Variants in LRRTM3 observed in about 807,000 individuals in gnomAD.
LRRTM3 encodes leucine rich repeat transmembrane neuronal 3.
In LRRTM3, 24 loss-of-function variants were observed where a neutral mutation model predicts 44.7. The ratio of observed to expected loss-of-function variants is 0.54; its 90% CI spans 0.39 to 0.76. LRRTM3 has a LOEUF of 0.76. Ranked by LOEUF, LRRTM3 falls within the 30% of genes least tolerant of loss-of-function variation. The pLI is 0.00. For synonymous variants in LRRTM3, 277 were observed against 278.7 expected (o/e 0.99, Z 0.06); for missense variants, 587 against 702.2 (o/e 0.84, Z 1.85).
At chr10:67,066,325 T>C (rs928178797) in intron 2 of LRRTM3, among the ~76,000 whole-genome samples, 4 of 151,114 alleles carry the variant, frequency 2.6e-5, no homozygotes, top group South Asian at 4.2e-4. Context: ...CCCAAGTAAC[T>C]GGGACTACAG....
intron 2 of LRRTM3, among the ~76,000 whole-genome samples, chr10:67,037,717 T>A (rs1186392339): frequency 1.3e-5 from 2 of 152,130 alleles, no homozygotes; most frequent in African/African-American, 4.8e-5. Context: ...TATGACTAAA[T>A]AGGTGTAGGT....
At chr10:66,977,352 C>T (rs10997463) in intron 2 of LRRTM3, among the ~76,000 whole-genome samples, 34,559 of 151,678 alleles carry the variant, frequency 0.23, 4,457 homozygotes, top group Middle Eastern at 0.3. Flanking sequence ...AGGAGGATTG[C>T]TTGAACCTGG....
At chr10:67,081,827 C>T (rs1857074629) in intron 2 of LRRTM3, among the ~76,000 whole-genome samples, 1 of 152,164 alleles carries the variant, frequency 6.6e-6, no homozygotes, top group Non-Finnish European at 1.5e-5. Context: ...TTTCCTGATC[C>T]TAGCCCAGCA....
chr10:66,990,828 AG>A (rs1850999972), intron 2 of LRRTM3, among the ~76,000 whole-genome samples: 1 of 152,206 alleles, frequency 6.6e-6, no homozygotes, highest in Admixed American at 6.5e-5. Context: ...ATCCTATTCA[AG>A]GAAGTAAAAT....
intron 2 of LRRTM3, among the ~76,000 whole-genome samples, chr10:67,018,935 T>C (rs1168838933): frequency 6.6e-6 from 1 of 152,204 alleles, no homozygotes; most frequent in Non-Finnish European, 1.5e-5. Context: ...AGGGAAACTA[T>C]TAAGACAAAC....
chr10:66,976,224 G>T (rs1850021747), intron 2 of LRRTM3, among the ~76,000 whole-genome samples: 1 of 152,184 alleles, frequency 6.6e-6, no homozygotes, highest in Non-Finnish European at 1.5e-5. Context: ...TAGTGCAGGT[G>T]AGAAACAGTG....
intron 2 of LRRTM3, among the ~76,000 whole-genome samples, chr10:66,975,988 G>A (rs572133258): frequency 6.6e-6 from 1 of 152,140 alleles, no homozygotes; most frequent in Non-Finnish European, 1.5e-5. Context: ...TTAAAAACCA[G>A]AGTTGATTCT....
intron 2 of LRRTM3, among the ~76,000 whole-genome samples, chr10:66,953,446 G>A (rs1692445602): frequency 6.6e-6 from 1 of 152,196 alleles, no homozygotes; most frequent in African/African-American, 2.4e-5. Flanking sequence ...TGATCAAATG[G>A]TGATGATTAC....
chr10:66,985,412 G>A (rs1489895220), intron 2 of LRRTM3, among the ~76,000 whole-genome samples: 3 of 152,146 alleles, frequency 2.0e-5, no homozygotes, highest in African/African-American at 7.2e-5. Flanking sequence ...GTGCCCAACA[G>A]GAACCTGGCC....
In LRRTM3 at chr10:66,928,136, A is replaced by T. The variant is rs199499859; in HGVS notation, c.1220A>T (p.Glu407Val). The change falls in exon 2 of 3, where the codon GAG becomes GTG. Residue 407 changes from glutamate to valine, a missense_variant. Physicochemically the swap from Glu to Val is moderately radical, Grantham distance 121 (BLOSUM62 -2). This residue lies in a region of LRRTM3 where 315 missense variants were observed against 335.6 expected (regional missense o/e 0.94). Transcript: ENST00000361320. The part of the protein sequence containing the change: ...PTVGATEPGP[E>V]TDADAEHISF... ...GTGGGAGCCACAGAGCCCGGCCCAG[A>T]GACCGATGCTGACGCCGAGCACATC... 1.5e-5 allele frequency: 25 copies of T among 1,613,970 alleles called. No individual in the cohort carries two copies. The highest frequency in any genetic ancestry group is 2.0e-5 in the Non-Finnish European group (24 of 1,180,044).
rs74233472 is a variant in LRRTM3, at chr10:67,039,510, T to C, written c.1537-58077T>C. Among the ~76,000 whole-genome samples the C allele has an allele frequency of 0.01, 1,561 of 152,258 alleles. 62 individuals are homozygous for C. In the East Asian group the frequency reaches 0.14, roughly 14 times the overall value. On this transcript the variant is annotated intron_variant, in intron 2 of 2. Transcript: ENST00000361320. ...TTTTTAAATTATGCCTCTATTTACC[T>C]ATGGGTGATGCATAATAATTTATTA...
intron 2 of LRRTM3, among the ~76,000 whole-genome samples, chr10:66,978,645 GA>G (rs1179297020): frequency 2.8e-5 from 4 of 144,098 alleles, no homozygotes; most frequent in Non-Finnish European, 6.0e-5. Flanking sequence ...TAAAAAGAGA[GA>G]AAAAAACAGA....
rs180844374 is a variant in LRRTM3 at position 66,996,043 on chromosome 10, C to T, written c.1536+67591C>T. Among the ~76,000 whole-genome samples the T allele has an allele frequency of 2.0e-5, 3 of 152,048 alleles. No individual in the cohort carries two copies. The East Asian group carries it at 5.8e-4, about 29-fold the overall frequency. On this transcript the variant is annotated intron_variant, in intron 2 of 2. Coordinates refer to ENST00000361320, the MANE Select transcript of LRRTM3 (RefSeq NM_178011.5). ...ATTATTTTAGTACGCTTTATTTTAC[C>T]TACTTATTTACATATTTTGTAATAT...
chr10:67,003,834 T>C (rs1455679544), intron 2 of LRRTM3, among the ~76,000 whole-genome samples: 1 of 152,050 alleles, frequency 6.6e-6, no homozygotes, highest in African/African-American at 2.4e-5. Context: ...TAGCAGAGGG[T>C]GGTTGATTTT....
chr10:66,926,777 T>C (rs1271074569), intron 1 of LRRTM3, 144 bp from the exon 2 acceptor site: 2 of 976,970 alleles, frequency 2.0e-6, no homozygotes, highest in African/African-American at 3.3e-5. Flanking sequence ...GACAATTCTC[T>C]TTAATTACAA....
intron 2 of LRRTM3, among the ~76,000 whole-genome samples, chr10:66,975,420 T>C (rs550496436): frequency 6.6e-6 from 1 of 152,218 alleles, no homozygotes; most frequent in Admixed American, 6.5e-5. Context: ...CCTGTTCAGA[T>C]TGGCTTCTGA....
chr10:67,078,830 T>A (rs1308321741), intron 2 of LRRTM3, among the ~76,000 whole-genome samples: 1 of 152,134 alleles, frequency 6.6e-6, no homozygotes, highest in East Asian at 1.9e-4. Context: ...GATGTCTTCT[T>A]AACATCACAA....
intron 2 of LRRTM3, among the ~76,000 whole-genome samples, chr10:67,021,131 G>A (rs1355113928): frequency 6.6e-6 from 1 of 152,146 alleles, no homozygotes; most frequent in Non-Finnish European, 1.5e-5. Flanking sequence ...TGTGACGGAA[G>A]AGGAAGGCCA....
At chr10:67,054,631 G>C (rs750259351) in intron 2 of LRRTM3, 22 of 152,160 alleles carry the variant, frequency 1.4e-4, no homozygotes, top group Admixed American at 2.6e-4. Context: ...ATATGATGCA[G>C]TATTTCCAAT....
Sources: gnomAD v4.1 joint callset for allele counts (sites outside exome capture counted in the v4.1 genomes callset) on GRCh38, gnomAD v4.1.1 for gene constraint, gnomAD v4.1.1 regional missense constraint, MANE v1.5 for transcripts, NCBI Gene and HGNC (gene_info 2026-07-23, HGNC 2026-07-21) for gene names.